The following THSD4 variants were observed in gnomAD, a reference collection of about 807,000 sequenced individuals.
The protein encoded by THSD4 is thrombospondin type-1 domain-containing protein 4.
In THSD4, 69 loss-of-function variants were observed where a neutral mutation model predicts 119.0. The observed-to-expected ratio is 0.58, with a 90% CI of 0.48 to 0.71. The LOEUF (loss-of-function observed/expected upper bound fraction) is 0.71, where lower values mean the gene tolerates loss of function less well. Ranked by LOEUF, THSD4 falls within the 30% of genes least tolerant of loss-of-function variation. The pLI is 0.00. For synonymous variants in THSD4, 524 were observed against 540.4 expected (o/e 0.97, Z 0.42); for missense variants, 1,393 against 1,391.1 (o/e 1.00, Z -0.02).
At chr15:71,155,802 G>A (rs1015766093) in intron 3 of THSD4, among the ~76,000 whole-genome samples, 8 of 152,118 alleles carry the variant, frequency 5.3e-5, no homozygotes, top group East Asian at 1.9e-4. Flanking sequence ...ACTGATGGCC[G>A]GCAGGGATGG....
intron 1 of THSD4, among the ~76,000 whole-genome samples, chr15:71,137,274 C>T (rs762720730): frequency 6.6e-6 from 1 of 152,306 alleles, no homozygotes; most frequent in East Asian, 1.9e-4. Flanking sequence ...CTCACTCTTT[C>T]CAGGTCCCTC....
At chr15:71,564,486 C>G (rs2049184391) in intron 7 of THSD4, among the ~76,000 whole-genome samples, 1 of 152,074 alleles carries the variant, frequency 6.6e-6, no homozygotes, top group Non-Finnish European at 1.5e-5. Context: ...GTAAACTTCT[C>G]AGGCAGAGGG....
chr15:71,586,866 C>T (rs1201603049), intron 7 of THSD4, among the ~76,000 whole-genome samples: 1 of 152,186 alleles, frequency 6.6e-6, no homozygotes. Flanking sequence ...TTAAAGGAAG[C>T]TGCTTATCAC....
chr15:71,225,049 A>C (rs2044004327), intron 4 of THSD4, among the ~76,000 whole-genome samples: 1 of 152,192 alleles, frequency 6.6e-6, no homozygotes, highest in Non-Finnish European at 1.5e-5. Context: ...CTCAAGCAAT[A>C]GGACAACTTC....
intron 1 of THSD4, among the ~76,000 whole-genome samples, chr15:71,119,371 C>T (rs768429342): frequency 1.3e-5 from 2 of 152,182 alleles, no homozygotes; most frequent in Non-Finnish European, 2.9e-5. Context: ...CTTCCGCACA[C>T]CCAGGTTTGG....
intron 6 of THSD4, among the ~76,000 whole-genome samples, chr15:71,313,498 C>CG (rs957264397): frequency 6.6e-6 from 1 of 151,992 alleles, no homozygotes; most frequent in African/African-American, 2.4e-5. Flanking sequence ...GAGGGAGGGT[C>CG]GGGGGAGAGC....
chr15:71,772,164 T>C (rs867457057), intron 17 of THSD4, among the ~76,000 whole-genome samples: 1 of 152,194 alleles, frequency 6.6e-6, no homozygotes, highest in African/African-American at 2.4e-5. Context: ...TCAAAGGAAA[T>C]GTATTAATAT....
At chr15:71,135,678 T>C (rs1362137410) in intron 1 of THSD4, among the ~76,000 whole-genome samples, 1 of 152,212 alleles carries the variant, frequency 6.6e-6, no homozygotes, top group African/African-American at 2.4e-5. Flanking sequence ...TTTGGGCCAT[T>C]CTTCTTGGCA....
intron 6 of THSD4, among the ~76,000 whole-genome samples, chr15:71,289,460 A>G (rs200065041): frequency 2.6e-5 from 4 of 151,998 alleles, no homozygotes; most frequent in Non-Finnish European, 5.9e-5. Flanking sequence ...CGCACTCTCC[A>G]TTGCTCTCCA....
At chr15:71,576,590 A>C (rs900168847) in intron 7 of THSD4, among the ~76,000 whole-genome samples, 2 of 152,226 alleles carry the variant, frequency 1.3e-5, no homozygotes, top group African/African-American at 2.4e-5. Context: ...AGTCATGTAC[A>C]TAGTACATAC....
At chr15:71,692,770 T>C (rs1358525306) in intron 8 of THSD4, among the ~76,000 whole-genome samples, 3 of 152,188 alleles carry the variant, frequency 2.0e-5, no homozygotes, top group Non-Finnish European at 2.9e-5. Flanking sequence ...GCTGTGTTCC[T>C]GGTAATAAGA....
intron 7 of THSD4, among the ~76,000 whole-genome samples, chr15:71,435,187 G>C (rs1001424268): frequency 1.3e-5 from 2 of 151,912 alleles, no homozygotes; most frequent in Non-Finnish European, 2.9e-5. Context: ...TTAGTTAAAG[G>C]ATTTATATCT....
chr15:71,721,388 G>A (rs1165793750), intron 8 of THSD4, among the ~76,000 whole-genome samples: 1 of 152,142 alleles, frequency 6.6e-6, no homozygotes, highest in East Asian at 1.9e-4. Flanking sequence ...CTATAGTCCA[G>A]CTTCTGCTAC....
intron 6 of THSD4, among the ~76,000 whole-genome samples, chr15:71,388,424 T>G (rs1328215850): frequency 6.6e-6 from 1 of 152,218 alleles, no homozygotes; most frequent in Non-Finnish European, 1.5e-5. Flanking sequence ...AATGTCATCT[T>G]CATTTCCAAA....
At position 71,748,404 on chromosome 15, in the gene THSD4, A is replaced by C. The variant is rs762886170; in HGVS notation, c.2242-17A>C. Reference sequence around the variant, plus strand: ...TGAAGCTGCTGGTTCCCCTGACGTCAGTGTGCTGTGTTTCAGTGCTCGGTG... The same window carrying C: ...TGAAGCTGCTGGTTCCCCTGACGTCCGTGTGCTGTGTTTCAGTGCTCGGTG... On this transcript the variant is annotated splice_polypyrimidine_tract_variant and intron_variant, in intron 13 of 17. Coordinates refer to ENST00000261862, the MANE Select transcript of THSD4 (RefSeq NM_024817.3). The C allele has an allele frequency of 1.2e-6, 2 of 1,613,640 alleles. No individual in the cohort carries two copies. Among genetic ancestry groups the C allele is most frequent in the South Asian group, 2.2e-5 (2 of 90,982 alleles).
At chr15:71,617,856 A>C (rs1167334853) in intron 7 of THSD4, among the ~76,000 whole-genome samples, 1 of 152,232 alleles carries the variant, frequency 6.6e-6, no homozygotes, top group East Asian at 1.9e-4. Context: ...GAGCAAGGTT[A>C]TGTAAAACAA....
At chr15:71,422,983 G>A (rs2046827310) in intron 7 of THSD4, among the ~76,000 whole-genome samples, 1 of 152,174 alleles carries the variant, frequency 6.6e-6, no homozygotes, top group Non-Finnish European at 1.5e-5. Context: ...ACAGGCCCAT[G>A]GAGAGCACTG....
chr15:71,434,046 C>T (rs761493506), intron 7 of THSD4, among the ~76,000 whole-genome samples: 1 of 152,092 alleles, frequency 6.6e-6, no homozygotes, highest in Non-Finnish European at 1.5e-5. Flanking sequence ...CAGCATAAGT[C>T]TGTCTGACAG....
chr15:71,605,892 A>G (rs988365633), intron 7 of THSD4, among the ~76,000 whole-genome samples: 24 of 152,180 alleles, frequency 1.6e-4, no homozygotes, highest in African/African-American at 5.8e-4. Context: ...AGTCTGAGAA[A>G]TGGGGAGGAA....
Sources: gnomAD v4.1 joint callset for allele counts (sites outside exome capture counted in the v4.1 genomes callset) on GRCh38, gnomAD v4.1.1 for gene constraint, MANE v1.5 for transcripts, NCBI Gene and HGNC (gene_info 2026-07-23, HGNC 2026-07-21) for gene names.